The following NECAB2 variants were observed in gnomAD, a reference collection of about 807,000 sequenced individuals.
NECAB2 encodes the protein N-terminal EF-hand calcium binding protein 2, also known as N-terminal EF-hand calcium-binding protein 2.
A neutral mutation model predicts 51.9 loss-of-function variants in NECAB2; 68 were observed. That is an observed-to-expected ratio of 1.31 (90% CI 1.08 to 1.60). NECAB2 has a LOEUF of 1.60. NECAB2 is among the 40% of genes most tolerant of loss of function. The pLI is 0.00. For synonymous variants in NECAB2, 329 were observed against 203.5 expected (o/e 1.62, Z -5.25); for missense variants, 854 against 490.3 (o/e 1.74, Z -7.00).
chr16:83,983,100 T>C (rs8053684), intron 5 of NECAB2, among the ~76,000 whole-genome samples: 41,249 of 151,676 alleles, frequency 0.27, 10,478 homozygotes, highest in African/African-American at 0.68. Context: ...AAGTCCTGAC[T>C]TGAGGTGATC....
intron 10 of NECAB2, among the ~76,000 whole-genome samples, chr16:83,999,061 T>A (rs534816331): frequency 6.6e-5 from 10 of 152,186 alleles, no homozygotes; most frequent in Admixed American, 2.0e-4. Context: ...ATTCACCCCA[T>A]TGCCTGGGGA....
intron 10 of NECAB2, among the ~76,000 whole-genome samples, chr16:83,998,934 G>A (rs1255666064): frequency 1.3e-5 from 2 of 152,178 alleles, no homozygotes; most frequent in African/African-American, 4.8e-5. Flanking sequence ...GGAGGGGGTT[G>A]CAGAAGACAA....
At chr16:83,999,180 C>T (rs988298901) in intron 10 of NECAB2, among the ~76,000 whole-genome samples, 6 of 152,134 alleles carry the variant, frequency 3.9e-5, no homozygotes, top group African/African-American at 7.2e-5. Context: ...ACCTGTAGCA[C>T]GAGGGGAGGA....
At chr16:83,998,710 G>C (rs972498304) in intron 10 of NECAB2, among the ~76,000 whole-genome samples, 1 of 152,174 alleles carries the variant, frequency 6.6e-6, no homozygotes, top group Non-Finnish European at 1.5e-5. Context: ...TTAAGTCCAG[G>C]CCCAGAATGT....
chr16:84,002,207 C>A (rs1274397857), intron 12 of NECAB2, 111 bp from the exon 13 acceptor site: 1 of 1,359,790 alleles, frequency 7.4e-7, no homozygotes, highest in Non-Finnish European at 1.0e-6. Flanking sequence ...ACCTGTGTGT[C>A]ACACAAGGAC....
intron 6 of NECAB2, 97 bp from the exon 7 acceptor site, chr16:83,994,205 A>G (rs2084663900): frequency 9.2e-7 from 1 of 1,092,204 alleles, no homozygotes; most frequent in Non-Finnish European, 1.4e-6. Context: ...GTGTGAGTCC[A>G]CTGTCTTGCG....
At chr16:83,973,695 G>A (rs1384483658) in intron 2 of NECAB2, among the ~76,000 whole-genome samples, 1 of 152,114 alleles carries the variant, frequency 6.6e-6, no homozygotes, top group African/African-American at 2.4e-5. Flanking sequence ...GTAGGGATTT[G>A]GGTTTGTCCC....
In NECAB2 at chr16:83,968,639, G is replaced by C; in HGVS notation, c.-10G>C. The C allele has an allele frequency of 1.0e-5, 10 of 979,714 alleles. 1 individual carries two copies. The highest frequency in any genetic ancestry group is 1.2e-5 in the Non-Finnish European group (10 of 827,670). The allele number at this position is 979,714 out of a possible 1,614,324, so 60.7% of individuals were successfully genotyped here. Reference sequence around the variant, plus strand: ...GCGGGCTTCCGGGCGGCGGCGGCGGGCGCGGCGCGATGTGCGAGCGGGCGG... The same window carrying C: ...GCGGGCTTCCGGGCGGCGGCGGCGGCCGCGGCGCGATGTGCGAGCGGGCGG... On this transcript the variant is annotated 5_prime_UTR_variant, in exon 1 of 13. Transcript: ENST00000305202.
intron 7 of NECAB2, 54 bp downstream of exon 7, chr16:83,994,474 T>A: frequency 6.3e-7 from 1 of 1,599,300 alleles, no homozygotes; most frequent in Non-Finnish European, 8.6e-7. Context: ...CCCGAGGAGT[T>A]CTGAGAGTCC....
chr16:83,984,222 C>G (rs1473329885), intron 5 of NECAB2, among the ~76,000 whole-genome samples: 1 of 151,686 alleles, frequency 6.6e-6, no homozygotes, highest in African/African-American at 2.4e-5. Flanking sequence ...GTCTCCATCT[C>G]CTGACCTCGT....
In NECAB2 at chr16:83,981,145, GC is replaced by G; in HGVS notation, c.459+23del. 1 of 1,593,504 alleles carries G rather than the reference GC, an allele frequency of 6.3e-7. No individual in the cohort carries two copies. The highest frequency in any genetic ancestry group is 8.5e-7 in the Non-Finnish European group (1 of 1,171,078). On this transcript the variant is annotated intron_variant, in intron 5 of 12. Transcript: ENST00000305202. ...CCAAGAAGGTCAGTGGGTGTAGGTG[GC>G]CCCCGGGGTCCAGGGCTCCAGTGCT...
intron 5 of NECAB2, among the ~76,000 whole-genome samples, chr16:83,981,339 T>A (rs2084486841): frequency 6.6e-6 from 1 of 152,038 alleles, no homozygotes. Context: ...CAGGAGGCAT[T>A]TTCCCGGAAT....
At chr16:83,987,038 A>G (rs1002009004) in intron 5 of NECAB2, among the ~76,000 whole-genome samples, 11 of 152,230 alleles carry the variant, frequency 7.2e-5, no homozygotes, top group Admixed American at 6.5e-4. Context: ...AATAAAAATA[A>G]TAAAACATAA....
chr16:83,970,918 C>T lies in NECAB2; in HGVS notation c.202-1233C>T, dbSNP rs776319324. 2.8e-4 allele frequency among the ~76,000 whole-genome samples: 43 copies of T among 152,258 alleles called. No individual in the cohort carries two copies. In the Middle Eastern group the frequency reaches 0.014, roughly 48 times the overall value. ...GACCAGCTTGACCAACAAGGTGAAACCTCGTCTCTACTAAAAAATACAAAA... is the reference window on the plus strand; with the variant it reads ...GACCAGCTTGACCAACAAGGTGAAATCTCGTCTCTACTAAAAAATACAAAA... On this transcript the variant is annotated intron_variant, in intron 1 of 12. Coordinates refer to ENST00000305202, the MANE Select transcript of NECAB2 (RefSeq NM_019065.3).
chr16:83,988,964 A>AT (rs1202980744), intron 5 of NECAB2, among the ~76,000 whole-genome samples: 4 of 152,104 alleles, frequency 2.6e-5, no homozygotes, highest in East Asian at 1.9e-4. Context: ...GAAAAGCTTC[A>AT]TTTTTTACTC....
chr16:83,996,694 C>A (rs566710334), intron 8 of NECAB2, among the ~76,000 whole-genome samples: 1 of 152,128 alleles, frequency 6.6e-6, no homozygotes, highest in African/African-American at 2.4e-5. Flanking sequence ...GACTGTTGAT[C>A]TTCTGTGGGG....
intron 12 of NECAB2, 52 bp from the exon 13 acceptor site, chr16:84,002,266 G>T: frequency 1.9e-6 from 3 of 1,600,220 alleles, no homozygotes; most frequent in African/African-American, 1.3e-5. Flanking sequence ...CACCAGCTAC[G>T]AGGCTGCCCA....
intron 9 of NECAB2, among the ~76,000 whole-genome samples, chr16:83,997,717 A>C (rs1435404488): frequency 6.6e-6 from 1 of 150,380 alleles, no homozygotes; most frequent in Non-Finnish European, 1.5e-5. Flanking sequence ...CTGGTCTCAA[A>C]CTCCTATCCT....
chr16:83,999,487 A>G (rs2084778121), intron 10 of NECAB2, among the ~76,000 whole-genome samples: 1 of 152,154 alleles, frequency 6.6e-6, no homozygotes, highest in South Asian at 2.1e-4. Context: ...CTTCCCAGGC[A>G]TGGTGCACCT....
Sources: gnomAD v4.1 joint callset for allele counts (sites outside exome capture counted in the v4.1 genomes callset) on GRCh38, gnomAD v4.1.1 for gene constraint, MANE v1.5 for transcripts, NCBI Gene and HGNC (gene_info 2026-07-23, HGNC 2026-07-21) for gene names.